Variants in GALNT9 observed in about 807,000 individuals in gnomAD.
GALNT9 encodes GalNAc transferase 9.
A neutral mutation model predicts 63.1 loss-of-function variants in GALNT9; 47 were observed. That is an observed-to-expected ratio of 0.75 (90% CI 0.59 to 0.95). GALNT9 has a LOEUF of 0.95. Among genes scored for constraint, GALNT9 ranks in the 40% least tolerant of loss-of-function variants. The pLI, the probability that GALNT9 is intolerant of heterozygous loss-of-function variation, is 0.00. For synonymous variants in GALNT9, 396 were observed against 365.7 expected (o/e 1.08, Z -0.94); for missense variants, 829 against 874.8 (o/e 0.95, Z 0.66).
At chr12:132,264,110 C>T (rs58663933) in intron 2 of GALNT9, among the ~76,000 whole-genome samples, 10,467 of 152,256 alleles carry the variant, frequency 0.069, 1,187 homozygotes, top group African/African-American at 0.24. Flanking sequence ...AATCCATGTT[C>T]GGTACCCACT....
intron 9 of GALNT9, 143 bp from the exon 10 acceptor site, chr12:132,198,102 G>A (rs1255414776): frequency 2.9e-6 from 2 of 692,022 alleles, no homozygotes; most frequent in Middle Eastern, 4.0e-4. Flanking sequence ...GGACGCTGTT[G>A]CGGGCGGGAG....
intron 1 of GALNT9, among the ~76,000 whole-genome samples, chr12:132,320,149 G>T (rs2135590644): frequency 6.6e-6 from 1 of 152,384 alleles, no homozygotes; most frequent in East Asian, 1.9e-4. Flanking sequence ...GGTACAATGT[G>T]CCAGGGCCGG....
rs1266669521 is a variant in GALNT9, at chr12:132,252,830, C to A, written c.960-4803G>T. Among the ~76,000 whole-genome samples the A allele has an allele frequency of 3.3e-5, 5 of 151,858 alleles. No individual in the cohort carries two copies. Among genetic ancestry groups the A allele is most frequent in the Non-Finnish European group, 7.4e-5 (5 of 67,980 alleles). On this transcript the variant is annotated intron_variant, in intron 5 of 10. Coordinates refer to ENST00000328957, the MANE Select transcript of GALNT9 (RefSeq NM_001122636.2). This position sits in a 1 kb window ranked among gnomAD's most constrained non-coding sequence, Gnocchi z 5.2. The stretch of plus-strand genomic sequence containing the variant: ...CCTGGGAGGCGGAGGTTGTGGTGAG[C>A]CGAGATCGCACCACTGCACTCCAGC...
In GALNT9 at chr12:132,287,066, C is replaced by G. The variant is rs1234576271; in HGVS notation, c.239-636G>C. Among the ~76,000 whole-genome samples, 5 of 103,730 alleles carry G rather than the reference C, an allele frequency of 4.8e-5. 1 individual carries two copies. The highest frequency in any genetic ancestry group is 1.7e-4 in the Admixed American group (2 of 11,444). The allele number at this position is 103,730 out of a possible 152,430, so 68.1% of individuals were successfully genotyped here. A position where few individuals can be genotyped will look rare whatever the true frequency, so the allele number is the denominator to read the frequency against. On this transcript the variant is annotated intron_variant, in intron 1 of 10. Transcript: ENST00000328957. ...GTGTGACACTGAGTGAGCGCCCCCC[C>G]CCCCCCCCGTGAGCCACAGCCCTCA... is the stretch of plus-strand genomic sequence containing the variant.
rs1239220719 is a variant in GALNT9 at position 132,265,393 on chromosome 12, C to T, written c.420-2768G>A. On this transcript the variant is annotated intron_variant, in intron 2 of 10. Coordinates refer to ENST00000328957, the MANE Select transcript of GALNT9 (RefSeq NM_001122636.2). This position sits in a 1 kb window ranked among gnomAD's most constrained non-coding sequence, Gnocchi z 5.3. ...TCAGCAGGACATGGGCCTCTGTCTC[C>T]GATCTCGGAAACACATCTTCTGGCC... 5.3e-5 allele frequency among the ~76,000 whole-genome samples: 8 copies of T among 150,248 alleles called. No homozygotes were observed. The highest frequency in any genetic ancestry group is 4.6e-4 in the Admixed American group (7 of 15,294).
chr12:132,203,475 G>GC, intron 7 of GALNT9, 30 bp downstream of exon 7: 4 of 1,609,656 alleles, frequency 2.5e-6, no homozygotes, highest in Non-Finnish European at 3.4e-6. Context: ...CTGGGGCATG[G>GC]CCCCGGCTCC....
chr12:132,280,368 G>A (rs1880288046), intron 2 of GALNT9: 1 of 152,290 alleles, frequency 6.6e-6, no homozygotes, highest in Admixed American at 6.5e-5. Flanking sequence ...ACTCACAGGA[G>A]GCCCTGGAGA....
chr12:132,225,906 CCCACACA>C (rs1877657757), intron 6 of GALNT9, among the ~76,000 whole-genome samples: 2 of 147,306 alleles, frequency 1.4e-5, no homozygotes, highest in Non-Finnish European at 3.0e-5. Flanking sequence ...CAACCCACAC[CCCACACA>C]CTGTACATAT....
At chr12:132,197,435 C>T (rs965657639) in intron 10 of GALNT9, among the ~76,000 whole-genome samples, 182 bp from the exon 11 acceptor site, 11 of 149,044 alleles carry the variant, frequency 7.4e-5, no homozygotes, top group Non-Finnish European at 1.5e-4. Context: ...AGTGGAGCTT[C>T]GAGGATTTCC....
chr12:132,203,576 G>A lies in GALNT9; in HGVS notation c.1192C>T (p.Leu398=), dbSNP rs949258927. The change falls in exon 7 of 11, where the codon CTG becomes TTG. Residue 398 remains leucine, a synonymous_variant. Transcript: ENST00000328957. ...DIDYYAKRNA[L]RAAEVWMDDF... The stretch of plus-strand genomic sequence containing the variant: ...TCCATCCACACCTCGGCGGCGCGCA[G>A]GGCGTTGCGCTTGGCATAGTAGTCA... The A allele has an allele frequency of 6.2e-7, 1 of 1,613,922 alleles. No homozygotes were observed. Among genetic ancestry groups the A allele is most frequent in the Non-Finnish European group, 8.5e-7 (1 of 1,179,820 alleles).
intron 6 of GALNT9, chr12:132,240,437 G>T: frequency 5.5e-6 from 2 of 361,864 alleles, no homozygotes; most frequent in South Asian, 4.1e-5. Flanking sequence ...GCGCAGACAT[G>T]GCCTCAGAAC....
At chr12:132,206,761 G>A (rs970553707) in intron 6 of GALNT9, among the ~76,000 whole-genome samples, 7 of 152,160 alleles carry the variant, frequency 4.6e-5, no homozygotes, top group Admixed American at 1.3e-4. Flanking sequence ...GAGGAGCCGA[G>A]CCCCCACACA....
intron 2 of GALNT9, among the ~76,000 whole-genome samples, chr12:132,271,529 C>T (rs999092985): frequency 1.3e-5 from 2 of 152,256 alleles, no homozygotes; most frequent in Non-Finnish European, 2.9e-5. Flanking sequence ...CCTCAGGCCC[C>T]GCCCCTGTCC....
chr12:132,215,101 C>T (rs148508398), intron 6 of GALNT9, among the ~76,000 whole-genome samples: 104 of 152,332 alleles, frequency 6.8e-4, no homozygotes, highest in African/African-American at 2.2e-3. Context: ...TGGGAGGAAA[C>T]GCGACACAAT....
At chr12:132,257,459 G>A (rs1879168499) in intron 5 of GALNT9, among the ~76,000 whole-genome samples, 1 of 148,122 alleles carries the variant, frequency 6.8e-6, no homozygotes, top group East Asian at 2.0e-4. Context: ...CTCATCCCCG[G>A]CCCTCGTCCC....
At chr12:132,259,939 C>A (rs1367779577) in intron 4 of GALNT9, among the ~76,000 whole-genome samples, 1 of 116,066 alleles carries the variant, frequency 8.6e-6, no homozygotes, top group African/African-American at 4.0e-5. Context: ...AGGGGTGGGT[C>A]CTGGCCCTGG....
intron 1 of GALNT9, among the ~76,000 whole-genome samples, chr12:132,305,151 C>A (rs1881537399): frequency 1.6e-5 from 1 of 63,220 alleles, no homozygotes; most frequent in Non-Finnish European, 2.8e-5. Flanking sequence ...CCGGGCACAC[C>A]CTCGCCTGGG....
In GALNT9 at chr12:132,286,622, G is replaced by T. The variant is rs181333759; in HGVS notation, c.239-192C>A. Among the ~76,000 whole-genome samples the T allele has an allele frequency of 3.9e-5, 6 of 152,220 alleles. No homozygotes were observed. Among genetic ancestry groups the T allele is most frequent in the Admixed American group, 3.9e-4 (6 of 15,292 alleles). ...AAGGCTGTGCGCGGAGTGAGAGGGC[G>T]GTGCCAGGCGGAAGAGGGAGGGATG... On this transcript the variant is annotated intron_variant, in intron 1 of 10. Transcript: ENST00000328957. This position sits in a 1 kb window ranked among gnomAD's most constrained non-coding sequence, Gnocchi z 7.4.
chr12:132,286,418 G>T lies in GALNT9; in HGVS notation c.251C>A (p.Pro84His). ...TCCTGGCCCCTCCACCAGGCCGATG[G>T]GCTTGGCAAGGCCTGGGGGAAAGGA... ...VYNQLNGLAK[P>H]IGLVEGPGGL... Residue 84 changes from proline (P) to histidine (H), a missense_variant, in exon 2 of 11, where the codon CCC becomes CAC. Coordinates refer to ENST00000328957, the MANE Select transcript of GALNT9 (RefSeq NM_001122636.2). The surrounding 1 kb of genome is among the most constrained non-coding windows in gnomAD (Gnocchi z 7.4). 1 of 1,549,968 alleles carries T rather than the reference G, an allele frequency of 6.5e-7. No individual in the cohort carries two copies. The highest frequency in any genetic ancestry group is 8.7e-7 in the Non-Finnish European group (1 of 1,146,550).
Sources: gnomAD v4.1 joint callset for allele counts (sites outside exome capture counted in the v4.1 genomes callset) on GRCh38, gnomAD v4.1.1 for gene constraint, Gnocchi (gnomAD v3.1) non-coding constraint, MANE v1.5 for transcripts, NCBI Gene and HGNC (gene_info 2026-07-23, HGNC 2026-07-21) for gene names.